The following HSD17B6 variants were observed in gnomAD, a reference collection of about 807,000 sequenced individuals.
The protein encoded by HSD17B6 is hydroxysteroid 17-beta dehydrogenase 6, also known as 17-beta-hydroxysteroid dehydrogenase type 6.
HSD17B6 carries 16 observed loss-of-function variants against 26.4 expected under a neutral mutation model. The observed-to-expected ratio is 0.61, with a 90% CI of 0.41 to 0.92. The LOEUF (loss-of-function observed/expected upper bound fraction) is 0.92, where lower values mean the gene tolerates loss of function less well. HSD17B6 is among the 40% of genes least tolerant of loss of function. HSD17B6 has a pLI of 0.00. For synonymous variants in HSD17B6, 139 were observed against 153.0 expected, an observed-to-expected ratio of 0.91 and a Z score of 0.68; for missense variants, 357 against 386.1, an observed-to-expected ratio of 0.92 and a Z score of 0.63.
At chr12:56,770,129 A>G (rs1430152935) in intron 1 of HSD17B6, among the ~76,000 whole-genome samples, 2 of 152,096 alleles carry the variant, frequency 1.3e-5, no homozygotes, top group Admixed American at 6.5e-5. Flanking sequence ...AAAGGGCTTC[A>G]GAGAAGGAAG....
intron 2 of HSD17B6, among the ~76,000 whole-genome samples, chr12:56,781,767 C>T (rs1424631235): frequency 6.6e-6 from 1 of 152,166 alleles, no homozygotes; most frequent in Non-Finnish European, 1.5e-5. Context: ...CGTGCCACTG[C>T]ACTCCAGCCT....
intron 1 of HSD17B6, among the ~76,000 whole-genome samples, chr12:56,767,810 A>C (rs1954375339): frequency 6.8e-6 from 1 of 147,354 alleles, no homozygotes; most frequent in Non-Finnish European, 1.5e-5. Flanking sequence ...GTGTGTATAT[A>C]TAATATATAT....
rs2137909217 is a variant in HSD17B6, at chr12:56,774,141, G to A, written c.289G>A (p.Val97Met). 1 of 1,582,220 alleles carries A rather than the reference G, an allele frequency of 6.3e-7. No homozygotes were observed. Among genetic ancestry groups the A allele is most frequent in the South Asian group, 1.2e-5 (1 of 86,632 alleles). Residue 97 changes from valine (V) to methionine (M), a missense_variant, in exon 2 of 5, where the codon GTG becomes ATG. Transcript: ENST00000322165. The stretch of plus-strand genomic sequence containing the variant: ...GAGCATCGCTGCAGCTACTCAGTGG[G>A]TGAAGGAGCATGTGGGGGACAGAGG... ...MESIAAATQW[V>M]KEHVGDRGLW...
chr12:56,775,241 C>T (rs1954566728), intron 2 of HSD17B6, among the ~76,000 whole-genome samples: 1 of 152,132 alleles, frequency 6.6e-6, no homozygotes, highest in South Asian at 2.1e-4. Context: ...TATTTATAAA[C>T]ATAATTCTTT....
At chr12:56,785,043 A>T (rs776859440) in intron 4 of HSD17B6, 27 bp downstream of exon 4, 4 of 1,596,878 alleles carry the variant, frequency 2.5e-6, no homozygotes, top group Non-Finnish European at 3.4e-6. Context: ...TGATAGGGAT[A>T]ATGGGTACCC....
intron 2 of HSD17B6, among the ~76,000 whole-genome samples, chr12:56,781,495 C>T (rs1954712751): frequency 2.0e-5 from 3 of 152,278 alleles, no homozygotes; most frequent in Admixed American, 2.0e-4. Flanking sequence ...TATTTTCAAT[C>T]CTTTTATTTA....
rs537140459 is a variant in HSD17B6 at position 56,769,681 on chromosome 12, T to C, written c.-19-4153T>C. Among the ~76,000 whole-genome samples the C allele has an allele frequency of 1.2e-4, 18 of 152,304 alleles. No individual in the cohort carries two copies. The South Asian group carries it at 2.3e-3, about 19-fold the overall frequency. Reference sequence around the variant, plus strand: ...TGTCAAAAATTGGTAAATCAAGAAATAGCAGCTTAAGTACTGTGTATAAAT... The same window carrying C: ...TGTCAAAAATTGGTAAATCAAGAAACAGCAGCTTAAGTACTGTGTATAAAT... On this transcript the variant is annotated intron_variant, in intron 1 of 4. Coordinates refer to ENST00000322165, the MANE Select transcript of HSD17B6 (RefSeq NM_003725.4).
chr12:56,767,632 T>A lies in HSD17B6; in HGVS notation c.-20+4218T>A, dbSNP rs55791801. Among the ~76,000 whole-genome samples, 549 of 94,316 alleles carry A rather than the reference T, an allele frequency of 5.8e-3. 3 individuals are homozygous for A. The highest frequency in any genetic ancestry group is 0.018 in the African/African-American group (505 of 27,560). The allele number at this position is 94,316 out of a possible 152,430, so 61.9% of individuals were successfully genotyped here. ...CATATATTAATATATAACATATATA[T>A]TATATTAATATATTATATATATTAT... On this transcript the variant is annotated intron_variant, in intron 1 of 4. Coordinates refer to ENST00000322165, the MANE Select transcript of HSD17B6 (RefSeq NM_003725.4).
intron 2 of HSD17B6, among the ~76,000 whole-genome samples, chr12:56,777,887 G>T (rs1954627352): frequency 1.3e-5 from 2 of 152,122 alleles, no homozygotes; most frequent in African/African-American, 4.8e-5. Context: ...ATTGCTTCTT[G>T]TCTGAGGATG....
At chr12:56,764,686 G>A (rs1312836868) in intron 1 of HSD17B6, among the ~76,000 whole-genome samples, 1 of 152,126 alleles carries the variant, frequency 6.6e-6, no homozygotes, top group Non-Finnish European at 1.5e-5. Flanking sequence ...AATCACTGAG[G>A]TTTCTTTTTC....
intron 1 of HSD17B6, among the ~76,000 whole-genome samples, chr12:56,771,360 T>C (rs1189967459): frequency 6.6e-6 from 1 of 152,010 alleles, no homozygotes; most frequent in Non-Finnish European, 1.5e-5. Flanking sequence ...ACCTGTCTTG[T>C]AGGGTTCTTG....
chr12:56,780,776 G>T (rs113806096), intron 2 of HSD17B6, among the ~76,000 whole-genome samples: 3 of 151,594 alleles, frequency 2.0e-5, no homozygotes, highest in East Asian at 1.9e-4. Flanking sequence ...GTGAACCCGG[G>T]GGGTGGAGCT....
intron 2 of HSD17B6, among the ~76,000 whole-genome samples, chr12:56,781,472 G>A (rs1455858267): frequency 1.3e-5 from 2 of 152,204 alleles, no homozygotes; most frequent in East Asian, 1.9e-4. Flanking sequence ...CAATTTTATA[G>A]TATTTTAATG....
Position 56,776,951 on chromosome 12 carries a change from C to T in HSD17B6, c.313+2786C>T, listed in dbSNP as rs1215726901. Among the ~76,000 whole-genome samples the T allele has an allele frequency of 5.3e-5, 8 of 152,268 alleles. No individual in the cohort carries two copies. In the East Asian group the frequency reaches 1.5e-3, roughly 29 times the overall value. The stretch of plus-strand genomic sequence containing the variant: ...TATGAATAAATTCTCTTTTTAAGTT[C>T]TATTTTGTCTAGATATTATTCAACT... On this transcript the variant is annotated intron_variant, in intron 2 of 4. Transcript: ENST00000322165.
chr12:56,782,220 C>T lies in HSD17B6; in HGVS notation c.560C>T (p.Ser187Leu), dbSNP rs756535253. 4 of 1,613,738 alleles carry T rather than the reference C, an allele frequency of 2.5e-6. No homozygotes were observed. The highest frequency in any genetic ancestry group is 1.7e-5 in the Admixed American group (1 of 59,938). ...TCCAAGTATGGAGTGGAAGCCTTTT[C>T]AGATATTCTGAGGTAACTTAAGTTA... ...CVSKYGVEAF[S>L]DILRREIQHF... The change falls in exon 3 of 5, where the codon TCA becomes TTA. Residue 187 changes from serine (S) to leucine (L), a missense_variant. Coordinates refer to ENST00000322165, the MANE Select transcript of HSD17B6 (RefSeq NM_003725.4).
chr12:56,772,144 T>C (rs1479581671), intron 1 of HSD17B6, among the ~76,000 whole-genome samples: 1 of 152,132 alleles, frequency 6.6e-6, no homozygotes, highest in Admixed American at 6.5e-5. Flanking sequence ...TCAACTTATA[T>C]TTTATTCTCT....
At chr12:56,765,350 C>T (rs1466407840) in intron 1 of HSD17B6, among the ~76,000 whole-genome samples, 2 of 151,628 alleles carry the variant, frequency 1.3e-5, no homozygotes, top group African/African-American at 4.8e-5. Context: ...GCCGGAGGAT[C>T]GCTGGAACCT....
chr12:56,776,640 G>A (rs1954601126), intron 2 of HSD17B6, among the ~76,000 whole-genome samples: 1 of 151,718 alleles, frequency 6.6e-6, no homozygotes, highest in South Asian at 2.1e-4. Flanking sequence ...GCTCATTTCT[G>A]TTTTTTTGTT....
At chr12:56,784,754 A>T in intron 3 of HSD17B6, 99 bp from the exon 4 acceptor site, 1 of 1,202,824 alleles carries the variant, frequency 8.3e-7, no homozygotes, top group Non-Finnish European at 1.2e-6. Flanking sequence ...TAAAATATTC[A>T]GTAAAGGTAT....
Sources: gnomAD v4.1 joint callset for allele counts (sites outside exome capture counted in the v4.1 genomes callset) on GRCh38, gnomAD v4.1.1 for gene constraint, MANE v1.5 for transcripts, NCBI Gene and HGNC (gene_info 2026-07-23, HGNC 2026-07-21) for gene names.